AFF3: variants seen among roughly 807,000 people sequenced by gnomAD.
The protein encoded by AFF3 is ALF transcription elongation factor 3, also known as AF4/FMR2 family member 3.
AFF3 carries 32 observed loss-of-function variants against 129.7 expected under a neutral mutation model. The ratio of observed to expected loss-of-function variants is 0.25; its 90% confidence interval spans 0.19 to 0.33. AFF3 has a LOEUF of 0.33. AFF3 is among the 10% of genes least tolerant of loss of function. The probability of loss-of-function intolerance (pLI) is 1.00; values close to 1 mark genes in which losing one functional copy is unlikely to be tolerated. For missense variants in AFF3, 1,373 were observed against 1,592.0 expected (o/e 0.86, Z 2.34); for synonymous variants, 644 against 635.4 (o/e 1.01, Z -0.20).
At chr2:99,611,621 C>T (rs1680933384) in intron 13 of AFF3, among the ~76,000 whole-genome samples, 1 of 152,020 alleles carries the variant, frequency 6.6e-6, no homozygotes, top group South Asian at 2.1e-4. Flanking sequence ...CACGGTGGCT[C>T]ACACCTGTAA....
chr2:99,736,794 G>A (rs1360556562), intron 10 of AFF3, among the ~76,000 whole-genome samples: 1 of 151,774 alleles, frequency 6.6e-6, no homozygotes, highest in Non-Finnish European at 1.5e-5. Context: ...ATTTTTAGTA[G>A]AGATGGGGTT....
intron 7 of AFF3, among the ~76,000 whole-genome samples, chr2:99,992,979 G>C (rs1282455090): frequency 6.6e-6 from 1 of 152,144 alleles, no homozygotes; most frequent in Non-Finnish European, 1.5e-5. Context: ...CACCTCTATG[G>C]GCAGGATATG....
chr2:99,607,941 T>A (rs1680536467), intron 13 of AFF3, among the ~76,000 whole-genome samples: 1 of 152,156 alleles, frequency 6.6e-6, no homozygotes, highest in Non-Finnish European at 1.5e-5. Context: ...ATTGAAGAGG[T>A]TTGCTATTGC....
intron 13 of AFF3, among the ~76,000 whole-genome samples, chr2:99,602,878 C>T (rs58345533): frequency 0.033 from 4,949 of 152,274 alleles, 101 homozygotes; most frequent in East Asian, 0.047. Flanking sequence ...GGAGGTAATA[C>T]TCATTGGAGC....
At chr2:99,593,052 G>C in intron 15 of AFF3, 143 bp downstream of exon 15, 1 of 838,060 alleles carries the variant, frequency 1.2e-6, no homozygotes, top group Non-Finnish European at 1.8e-6. Context: ...CTAGAAGTGT[G>C]TGTTAGGTAA....
At chr2:99,731,991 A>C (rs1415685539) in intron 10 of AFF3, among the ~76,000 whole-genome samples, 1 of 152,218 alleles carries the variant, frequency 6.6e-6, no homozygotes, top group African/African-American at 2.4e-5. Context: ...CTTCCAGGCC[A>C]GGGATGGAAC....
chr2:100,057,183 T>C (rs1478251755), intron 4 of AFF3, among the ~76,000 whole-genome samples: 1 of 151,876 alleles, frequency 6.6e-6, no homozygotes, highest in African/African-American at 2.4e-5. Flanking sequence ...TAGCCAGGCA[T>C]GGTGGCGGGC....
intron 4 of AFF3, among the ~76,000 whole-genome samples, chr2:100,058,358 C>T (rs979673097): frequency 6.6e-6 from 1 of 151,926 alleles, no homozygotes; most frequent in East Asian, 1.9e-4. Context: ...GAAGGTGCTC[C>T]AAACTAGTTT....
intron 7 of AFF3, among the ~76,000 whole-genome samples, chr2:99,901,365 G>C (rs1694331364): frequency 6.6e-6 from 1 of 152,128 alleles, no homozygotes; most frequent in African/African-American, 2.4e-5. Context: ...TGGGTGCTTG[G>C]GCTGTGCAGC....
intron 13 of AFF3, among the ~76,000 whole-genome samples, chr2:99,628,890 T>G (rs1682860614): frequency 6.6e-6 from 1 of 152,094 alleles, no homozygotes; most frequent in Non-Finnish European, 1.5e-5. Context: ...CCAGTTAATT[T>G]TTGTTATTTT....
chr2:99,641,428 A>C (rs538307272), intron 13 of AFF3, among the ~76,000 whole-genome samples: 1 of 152,348 alleles, frequency 6.6e-6, no homozygotes, highest in African/African-American at 2.4e-5. Context: ...CTGTAATTTC[A>C]GCACTTTGGG....
At chr2:99,847,994 A>T (rs1689858355) in intron 7 of AFF3, among the ~76,000 whole-genome samples, 1 of 152,176 alleles carries the variant, frequency 6.6e-6, no homozygotes, top group East Asian at 1.9e-4. Context: ...AGAAATAGAC[A>T]TCAGAGGCTG....
chr2:99,626,463 T>TCCTC (rs1391291257), intron 13 of AFF3, among the ~76,000 whole-genome samples: 1 of 59,508 alleles, frequency 1.7e-5, no homozygotes, highest in Non-Finnish European at 4.4e-5. Flanking sequence ...CTTCCTTCCT[T>TCCTC]CCTCCCTCCC....
chr2:100,105,598 A>G lies in AFF3; in HGVS notation c.-144-15T>C, dbSNP rs759599308. 21 of 1,334,992 alleles carry G rather than the reference A, an allele frequency of 1.6e-5. No homozygotes were observed. The South Asian group carries it at 1.7e-4, about 11-fold the overall frequency. 82.7% of individuals were successfully genotyped at this position (1,334,992 alleles called of 1,614,324 possible). On this transcript the variant is annotated splice_polypyrimidine_tract_variant and intron_variant, in intron 2 of 24. Coordinates refer to ENST00000672756, the MANE Select transcript of AFF3 (RefSeq NM_001386135.1). The stretch of plus-strand genomic sequence containing the variant: ...CAGGTGATCAGCTAGAAGGGTGATA[A>G]GAGTATCATCGTGGCTCCTAAAGAG...
intron 7 of AFF3, among the ~76,000 whole-genome samples, chr2:100,004,080 T>A (rs189603950): frequency 1.4e-3 from 208 of 152,344 alleles, no homozygotes; most frequent in African/African-American, 4.7e-3. Flanking sequence ...TATTTTTGTA[T>A]GGCCCTCCTT....
At chr2:99,783,666 T>C (rs932045168) in intron 8 of AFF3, among the ~76,000 whole-genome samples, 6 of 152,270 alleles carry the variant, frequency 3.9e-5, no homozygotes, top group African/African-American at 1.4e-4. Context: ...CTGACTGCTT[T>C]TCTGGAATCC....
intron 9 of AFF3, among the ~76,000 whole-genome samples, chr2:99,747,873 A>G (rs992769250): frequency 6.6e-6 from 1 of 152,194 alleles, no homozygotes; most frequent in African/African-American, 2.4e-5. Context: ...GTAATTGGCT[A>G]TAAACCCAGT....
intron 8 of AFF3, among the ~76,000 whole-genome samples, chr2:99,757,976 G>T (rs898964942): frequency 6.6e-6 from 1 of 152,140 alleles, no homozygotes; most frequent in Non-Finnish European, 1.5e-5. Context: ...TCTAACCTGT[G>T]ATGAACCCCT....
intron 8 of AFF3, among the ~76,000 whole-genome samples, chr2:99,801,785 T>G (rs1000668161): frequency 2.0e-5 from 3 of 152,228 alleles, no homozygotes; most frequent in African/African-American, 7.2e-5. Context: ...TAAAAACAAA[T>G]TCTATAGCAT....
Sources: gnomAD v4.1 joint callset for allele counts (sites outside exome capture counted in the v4.1 genomes callset) on GRCh38, gnomAD v4.1.1 for gene constraint, MANE v1.5 for transcripts, NCBI Gene and HGNC (gene_info 2026-07-23, HGNC 2026-07-21) for gene names.